The following ELSPBP1 variants were observed in gnomAD, a reference collection of about 807,000 sequenced individuals.
ELSPBP1 encodes the protein epididymal sperm binding protein 1.
A neutral mutation model predicts 33.3 loss-of-function variants in ELSPBP1; 38 were observed. The observed-to-expected ratio is 1.14, with a 90% CI of 0.88 to 1.50. The LOEUF is 1.50. Among genes scored for constraint, ELSPBP1 ranks in the 40% most tolerant of loss-of-function variants. The pLI is 0.00. For missense variants in ELSPBP1, 267 were observed against 263.5 expected (o/e 1.01, Z -0.09); for synonymous variants, 85 against 94.1 (o/e 0.90, Z 0.56).
At chr19:48,005,133 A>G (rs545686139) in intron 1 of ELSPBP1, among the ~76,000 whole-genome samples, 1 of 151,778 alleles carries the variant, frequency 6.6e-6, no homozygotes, top group African/African-American at 2.4e-5. Flanking sequence ...TTGATGGGAG[A>G]TGGAGGCTGT....
At chr19:48,023,725 G>A (rs1967238995) in intron 6 of ELSPBP1, among the ~76,000 whole-genome samples, 1 of 151,968 alleles carries the variant, frequency 6.6e-6, no homozygotes, top group Admixed American at 6.6e-5. Flanking sequence ...GAAAAATGGG[G>A]TTTATTTCTC....
intron 2 of ELSPBP1, among the ~76,000 whole-genome samples, chr19:48,009,988 GT>G (rs1399772726): frequency 6.6e-6 from 1 of 152,076 alleles, no homozygotes; most frequent in East Asian, 1.9e-4. Flanking sequence ...GGAGGAGAGG[GT>G]TTTTTGTTTG....
In ELSPBP1 at chr19:48,011,055, CGAT is replaced by C. The variant is rs71181626; in HGVS notation, c.70+2324_70+2326del. Among the ~76,000 whole-genome samples, 5 of 151,542 alleles carry C rather than the reference CGAT, an allele frequency of 3.3e-5. No homozygotes were observed. Among genetic ancestry groups the C allele is most frequent in the African/African-American group, 4.9e-5 (2 of 41,210 alleles). ...AATGATGAGGATGATGATGATATGA[CGAT>C]GATGACAATGATGACGGTAATGATG... On this transcript the variant is annotated intron_variant, in intron 2 of 6. Coordinates refer to ENST00000339841, the MANE Select transcript of ELSPBP1 (RefSeq NM_022142.5). This position sits in a 1 kb window ranked among gnomAD's most constrained non-coding sequence, Gnocchi z 4.5.
At chr19:47,998,793 A>AC (rs949142336) in intron 1 of ELSPBP1, among the ~76,000 whole-genome samples, 1 of 151,742 alleles carries the variant, frequency 6.6e-6, no homozygotes, top group African/African-American at 2.4e-5. Context: ...TCTCAAAAAA[A>AC]AAAAAAAAAA....
rs756055693 is a variant in ELSPBP1, at chr19:48,008,696, G to A, written c.29G>A (p.Gly10Glu). The change falls in exon 2 of 7, where the codon GGA becomes GAA. Residue 10 changes from glycine to glutamate, a missense_variant. Transcript: ENST00000339841. The part of the protein sequence containing the change: MTRWSSYLL[G>E]WTTFLLYSYE... ...ACCCGATGGTCCAGTTACCTGTTGG[G>A]ATGGACAACCTTCCTTCTCTATTCC... is the stretch of plus-strand genomic sequence containing the variant. 34 of 1,613,942 alleles carry A rather than the reference G, an allele frequency of 2.1e-5. No homozygotes were observed. In the East Asian group the frequency reaches 7.1e-4, roughly 34 times the overall value.
Position 48,008,666 on chromosome 19 carries a change from A to G in ELSPBP1, c.-2A>G. On this transcript the variant is annotated 5_prime_UTR_variant, in exon 2 of 7. Coordinates refer to ENST00000339841, the MANE Select transcript of ELSPBP1 (RefSeq NM_022142.5). ...TTTTCCACAGAGAAGAGGGCAGCCAAGATGACCCGATGGTCCAGTTACCTG... is the reference window on the plus strand; with the variant it reads ...TTTTCCACAGAGAAGAGGGCAGCCAGGATGACCCGATGGTCCAGTTACCTG... 1 of 1,613,844 alleles carries G rather than the reference A, an allele frequency of 6.2e-7. No individual in the cohort carries two copies. Among genetic ancestry groups the G allele is most frequent in the Non-Finnish European group, 8.5e-7 (1 of 1,179,886 alleles).
chr19:48,022,031 C>A (rs192937763), intron 5 of ELSPBP1, 139 bp from the exon 6 acceptor site: 2 of 734,174 alleles, frequency 2.7e-6, no homozygotes, highest in South Asian at 2.2e-5. Context: ...TAAATGCGCG[C>A]GATTAAATGC....
intron 5 of ELSPBP1, among the ~76,000 whole-genome samples, chr19:48,021,071 T>C (rs1967194785): frequency 6.6e-6 from 1 of 152,226 alleles, no homozygotes; most frequent in African/African-American, 2.4e-5. Flanking sequence ...GTACTATTTA[T>C]GGGGTCATCT....
chr19:48,005,594 A>T (rs1311343193), intron 1 of ELSPBP1, among the ~76,000 whole-genome samples: 1 of 152,240 alleles, frequency 6.6e-6, no homozygotes, highest in African/African-American at 2.4e-5. Context: ...ATCTAGGTGG[A>T]CATGTCTGGG....
At position 48,007,369 on chromosome 19, in the gene ELSPBP1, G is replaced by A. The variant is rs145466896; in HGVS notation, c.-17-1282G>A. 6.4e-3 allele frequency among the ~76,000 whole-genome samples: 977 copies of A among 152,258 alleles called. 4 individuals carry two copies. Among genetic ancestry groups the A allele is most frequent in the African/African-American group, 0.023 (940 of 41,544 alleles). Reference sequence around the variant, plus strand: ...AAGTTACTTAACCTCCCAAGCCTCAGTTTCCCTTTTCTGTGAAGTGGAGAT... The same window carrying A: ...AAGTTACTTAACCTCCCAAGCCTCAATTTCCCTTTTCTGTGAAGTGGAGAT... On this transcript the variant is annotated intron_variant, in intron 1 of 6. Coordinates refer to ENST00000339841, the MANE Select transcript of ELSPBP1 (RefSeq NM_022142.5).
chr19:48,006,554 C>T (rs901685288), intron 1 of ELSPBP1, among the ~76,000 whole-genome samples: 7 of 141,454 alleles, frequency 4.9e-5, no homozygotes, highest in African/African-American at 1.6e-4. Context: ...ATGGAGGTTG[C>T]CGTGAGCTGA....
At chr19:48,009,099 G>A (rs532946464) in intron 2 of ELSPBP1, among the ~76,000 whole-genome samples, 9 of 145,520 alleles carry the variant, frequency 6.2e-5, no homozygotes, top group Non-Finnish European at 8.9e-5. Context: ...TCGTACCACT[G>A]AACTCCAGAC....
At chr19:48,007,285 G>A (rs1440411588) in intron 1 of ELSPBP1, among the ~76,000 whole-genome samples, 5 of 152,142 alleles carry the variant, frequency 3.3e-5, no homozygotes, top group Non-Finnish European at 5.9e-5. Context: ...TCTGACACTA[G>A]TATAGACAGG....
intron 5 of ELSPBP1, 24 bp downstream of exon 5, chr19:48,019,901 T>TTGGGGG: frequency 2.1e-6 from 3 of 1,424,832 alleles, no homozygotes; most frequent in Non-Finnish European, 2.9e-6. Context: ...GGGGGTTGGG[T>TTGGGGG]GGGTGTGGGT....
intron 6 of ELSPBP1, among the ~76,000 whole-genome samples, chr19:48,023,029 G>A (rs1967219400): frequency 6.6e-6 from 1 of 151,762 alleles, no homozygotes; most frequent in Non-Finnish European, 1.5e-5. Context: ...GGGGAACAGA[G>A]TGAGACCTTG....
intron 1 of ELSPBP1, among the ~76,000 whole-genome samples, chr19:48,007,685 A>C (rs1967035752): frequency 6.6e-6 from 1 of 152,158 alleles, no homozygotes; most frequent in Non-Finnish European, 1.5e-5. Flanking sequence ...TTTCGTCTCC[A>C]GCTAAGGAGA....
chr19:48,008,604 G>A (rs1241340311), intron 1 of ELSPBP1, 47 bp from the exon 2 acceptor site: 2 of 1,354,640 alleles, frequency 1.5e-6, no homozygotes, highest in Non-Finnish European at 2.1e-6. Context: ...GTAATGGGAA[G>A]AGGAAGGGGA....
rs113292793 is a variant in ELSPBP1 at position 48,000,826 on chromosome 19, G to A, written c.-18+6015G>A. The stretch of plus-strand genomic sequence containing the variant: ...CAAATGGGACAGAGATAATGAAAAT[G>A]ATAACGATTAATATTTACAAAGCAC... On this transcript the variant is annotated intron_variant, in intron 1 of 6. Coordinates refer to ENST00000339841, the MANE Select transcript of ELSPBP1 (RefSeq NM_022142.5). Among the ~76,000 whole-genome samples the A allele has an allele frequency of 7.7e-4, 118 of 152,326 alleles. 1 individual carries two copies. Among genetic ancestry groups the A allele is most frequent in the African/African-American group, 2.6e-3 (110 of 41,570 alleles).
intron 1 of ELSPBP1, among the ~76,000 whole-genome samples, chr19:47,999,383 A>G (rs12984554): frequency 0.33 from 40,310 of 121,140 alleles, 5,853 homozygotes; most frequent in South Asian, 0.39. Flanking sequence ...TGAAAGCCTC[A>G]TTTCTTTTTT....
Sources: gnomAD v4.1 joint callset for allele counts (sites outside exome capture counted in the v4.1 genomes callset) on GRCh38, gnomAD v4.1.1 for gene constraint, Gnocchi (gnomAD v3.1) non-coding constraint, MANE v1.5 for transcripts, NCBI Gene and HGNC (gene_info 2026-07-23, HGNC 2026-07-21) for gene names.